The following RB1 variants were observed in gnomAD, a reference collection of about 807,000 sequenced individuals.
The protein encoded by RB1 is RB transcriptional corepressor 1.
In RB1, 18 loss-of-function variants were observed where a neutral mutation model predicts 135.4. The ratio of observed to expected loss-of-function variants is 0.13; its 90% CI spans 0.09 to 0.20. The LOEUF is 0.20. Among genes scored for constraint, RB1 ranks in the 10% least tolerant of loss-of-function variants. The pLI is 1.00. For missense variants in RB1, 868 were observed against 1,110.0 expected, an observed-to-expected ratio of 0.78 and a Z score of 3.10; for synonymous variants, 365 against 373.2, an observed-to-expected ratio of 0.98 and a Z score of 0.25.
Position 48,308,527 on chromosome 13 carries a change from C to T in RB1, c.264+1121C>T, listed in dbSNP as rs576526091. On this transcript the variant is annotated intron_variant, in intron 2 of 26. Coordinates refer to ENST00000267163, the MANE Select transcript of RB1 (RefSeq NM_000321.3). ...AATTAGCCAGGCATGGTAGCAGATG[C>T]CTGTAATCTCAGCTACTTGGGAGGG... Among the ~76,000 whole-genome samples the T allele has an allele frequency of 3.5e-4, 53 of 151,956 alleles. No homozygotes were observed. In the South Asian group the frequency reaches 7.7e-3, roughly 22 times the overall value.
Position 48,456,431 on chromosome 13 carries a change from G to A in RB1, c.1960+82G>A, listed in dbSNP as rs1004059911. ...AAATCATGTTTCTTCTACTTTCTAG[G>A]TACATTACTGGGCAAGTCACTTAAT... On this transcript the variant is annotated intron_variant, in intron 19 of 26. Coordinates refer to ENST00000267163, the MANE Select transcript of RB1 (RefSeq NM_000321.3). The A allele has an allele frequency of 7.1e-6, 11 of 1,545,672 alleles. 1 individual carries two copies. In the South Asian group the frequency reaches 1.2e-4, roughly 17 times the overall value.
intron 17 of RB1, among the ~76,000 whole-genome samples, chr13:48,446,158 A>G (rs547407591): frequency 1.2e-4 from 18 of 152,124 alleles, no homozygotes; most frequent in African/African-American, 4.3e-4. Flanking sequence ...GGGTTTCACC[A>G]TGTTGGCCAG....
intron 17 of RB1, among the ~76,000 whole-genome samples, chr13:48,447,950 C>G (rs1949300166): frequency 6.6e-6 from 1 of 152,164 alleles, no homozygotes; most frequent in Admixed American, 6.5e-5. Flanking sequence ...TAGATTTTAT[C>G]TCATATCTGA....
intron 2 of RB1, among the ~76,000 whole-genome samples, chr13:48,321,812 CG>C (rs1471697824): frequency 6.6e-6 from 1 of 152,048 alleles, no homozygotes; most frequent in Non-Finnish European, 1.5e-5. Context: ...GCCAAGGTTG[CG>C]CCATTGCACT....
At chr13:48,439,262 A>T (rs4151566) in intron 17 of RB1, among the ~76,000 whole-genome samples, 79 of 152,210 alleles carry the variant, frequency 5.2e-4, no homozygotes, top group South Asian at 3.9e-3. Flanking sequence ...ATTAAATGAG[A>T]TAATATATGT....
chr13:48,379,206 A>G (rs1831234010), intron 13 of RB1, among the ~76,000 whole-genome samples: 1 of 152,164 alleles, frequency 6.6e-6, no homozygotes, highest in African/African-American at 2.4e-5. Context: ...AATGATATAA[A>G]CTGAAATGGA....
intron 17 of RB1, chr13:48,411,202 T>G: frequency 1.9e-6 from 1 of 525,582 alleles, no homozygotes; most frequent in Non-Finnish European, 3.4e-6. Context: ...TCAGATGGAG[T>G]GGATACACAA....
intron 17 of RB1, among the ~76,000 whole-genome samples, chr13:48,401,719 A>T (rs1948693522): frequency 6.6e-6 from 1 of 152,194 alleles, no homozygotes; most frequent in African/African-American, 2.4e-5. Context: ...TCTTCCTGTA[A>T]GTGCTAGATT....
chr13:48,438,299 A>G (rs4151563), intron 17 of RB1, among the ~76,000 whole-genome samples: 10,103 of 152,196 alleles, frequency 0.066, 1,107 homozygotes, highest in African/African-American at 0.23. Context: ...TTCTTATCTT[A>G]TAGATTAGCT....
chr13:48,353,178 TAAAC>T (rs1040623006), intron 6 of RB1, among the ~76,000 whole-genome samples: 4 of 151,686 alleles, frequency 2.6e-5, no homozygotes, highest in African/African-American at 4.8e-5. Flanking sequence ...TTTAAAAAGT[TAAAC>T]AAAATTGACA....
In RB1 at chr13:48,463,824, G is replaced by C. The variant is rs2138342692; in HGVS notation, c.2200G>C (p.Ala734Pro). The change falls in exon 21 of 27, where the codon GCT (alanine) becomes CCT (proline). Residue 734 changes from alanine to proline, a missense_variant. By Grantham distance (27) the Ala-to-Pro change is conservative. Coordinates refer to ENST00000267163, the MANE Select transcript of RB1 (RefSeq NM_000321.3). ...IVTAYKDLPH[A>P]VQETFKRVLI... ...AACAGCATACAAGGATCTTCCTCAT[G>C]CTGTTCAGGAGGTAGGTAATTTTCC... The C allele has an allele frequency of 3.1e-6, 5 of 1,598,508 alleles. No individual in the cohort carries two copies. The highest frequency in any genetic ancestry group is 4.3e-6 in the Non-Finnish European group (5 of 1,166,112).
chr13:48,339,321 C>T (rs973278157), intron 2 of RB1, among the ~76,000 whole-genome samples: 114 of 152,290 alleles, frequency 7.5e-4, no homozygotes, highest in African/African-American at 2.7e-3. Context: ...TGGGCTCCAC[C>T]CAGTTCAAGC....
intron 8 of RB1, 47 bp downstream of exon 8, chr13:48,363,004 A>G (rs779227570): frequency 3.1e-6 from 5 of 1,594,028 alleles, no homozygotes; most frequent in Non-Finnish European, 4.3e-6. Flanking sequence ...GTAGATTTAG[A>G]TGTAAGTTCT....
chr13:48,422,675 G>A (rs968912055), intron 17 of RB1: 1 of 151,950 alleles, frequency 6.6e-6, no homozygotes, highest in African/African-American at 2.4e-5. Context: ...TCAACCTGTG[G>A]TCCCAGCTGG....
intron 2 of RB1, among the ~76,000 whole-genome samples, chr13:48,329,829 G>T (rs570135627): frequency 6.6e-6 from 1 of 152,104 alleles, no homozygotes; most frequent in African/African-American, 2.4e-5. Flanking sequence ...GAATAGTAGC[G>T]CTGTCCTTCA....
chr13:48,348,044 T>C (rs1952513867), intron 5 of RB1, among the ~76,000 whole-genome samples, 181 bp downstream of exon 5: 1 of 151,980 alleles, frequency 6.6e-6, no homozygotes, highest in African/African-American at 2.4e-5. Flanking sequence ...TAGTATAAAA[T>C]ACATGCCTTG....
intron 17 of RB1, among the ~76,000 whole-genome samples, chr13:48,423,618 A>G (rs1949039076): frequency 6.6e-6 from 1 of 152,222 alleles, no homozygotes. Context: ...GAATTCTCTC[A>G]TTAAAAGTTT....
intron 17 of RB1, chr13:48,401,303 A>G (rs1948689930): frequency 6.6e-6 from 1 of 152,162 alleles, no homozygotes; most frequent in Admixed American, 6.6e-5. Context: ...CTTACAGTCA[A>G]ATCTTAACTG....
chr13:48,388,184 C>T (rs186784865), intron 17 of RB1, among the ~76,000 whole-genome samples: 1 of 152,248 alleles, frequency 6.6e-6, no homozygotes, highest in Admixed American at 6.5e-5. Flanking sequence ...TAAAATGTAG[C>T]AGTTAATTAC....
Sources: gnomAD v4.1 joint callset for allele counts (sites outside exome capture counted in the v4.1 genomes callset) on GRCh38, gnomAD v4.1.1 for gene constraint, MANE v1.5 for transcripts, NCBI Gene and HGNC (gene_info 2026-07-23, HGNC 2026-07-21) for gene names.